The following CFDP1 variants were observed in gnomAD, a reference collection of about 807,000 sequenced individuals.
CFDP1 encodes the protein chromatin remodeling protein CFDP1, also known as heterochromatin-stabilizing protein CFDP1.
CFDP1 carries 31 observed loss-of-function variants against 40.1 expected under a neutral mutation model. That is an observed-to-expected ratio of 0.77 (90% CI 0.58 to 1.04). The LOEUF (loss-of-function observed/expected upper bound fraction) is 1.04, where lower values mean the gene tolerates loss of function less well. Ranked by LOEUF, CFDP1 falls within the 50% of genes least tolerant of loss-of-function variation. The pLI is 0.00. For missense variants in CFDP1, 423 were observed against 343.4 expected (o/e 1.23, Z -1.83); for synonymous variants, 167 against 120.0 (o/e 1.39, Z -2.56).
Position 75,433,441 on chromosome 16 carries a change from G to A in CFDP1, c.-89C>T, listed in dbSNP as rs887141875. ...TCTAGGGAGAGACCATAGAGCCCCG[G>A]CGGCGGCGACGGCAGCTAGGGCGGC... On this transcript the variant is annotated 5_prime_UTR_variant, in exon 1 of 7. Transcript: ENST00000283882. 4.8e-5 allele frequency: 65 copies of A among 1,367,006 alleles called. No homozygotes were observed. The East Asian group carries it at 1.3e-3, about 28-fold the overall frequency. 84.7% of individuals were successfully genotyped at this position (1,367,006 alleles called of 1,614,324 possible). A position where few individuals can be genotyped will look rare whatever the true frequency, so the allele number is the denominator to read the frequency against.
intron 5 of CFDP1, among the ~76,000 whole-genome samples, chr16:75,368,078 C>G (rs540978888): frequency 8.5e-5 from 13 of 152,108 alleles, no homozygotes; most frequent in Non-Finnish European, 1.6e-4. Context: ...CCTCTGGCCA[C>G]AGAGAAGACT....
At chr16:75,319,142 C>T (rs2078345412) in intron 5 of CFDP1, among the ~76,000 whole-genome samples, 1 of 152,172 alleles carries the variant, frequency 6.6e-6, no homozygotes, top group Non-Finnish European at 1.5e-5. Context: ...CTCCCGGGTT[C>T]AAGTGATTCT....
intron 4 of CFDP1, among the ~76,000 whole-genome samples, chr16:75,408,184 C>T (rs117395844): frequency 0.01 from 1,586 of 152,100 alleles, 20 homozygotes; most frequent in Non-Finnish European, 0.016. Context: ...CACAGTACAT[C>T]TTTTATCCAG....
intron 2 of CFDP1, among the ~76,000 whole-genome samples, chr16:75,413,189 T>G (rs542811783): frequency 6.6e-6 from 1 of 152,198 alleles, no homozygotes; most frequent in East Asian, 1.9e-4. Flanking sequence ...TTATTTGCAC[T>G]ATTTCTTCCA....
At chr16:75,319,184 C>T (rs900359231) in intron 5 of CFDP1, among the ~76,000 whole-genome samples, 1 of 152,158 alleles carries the variant, frequency 6.6e-6, no homozygotes, top group Non-Finnish European at 1.5e-5. Flanking sequence ...GCTGGGATTA[C>T]AGGCACATGC....
intron 1 of CFDP1, among the ~76,000 whole-genome samples, chr16:75,424,101 A>G (rs2079308428): frequency 6.6e-6 from 1 of 152,232 alleles, no homozygotes; most frequent in Non-Finnish European, 1.5e-5. Context: ...TAGATGGAGA[A>G]AAAGCATTTG....
intron 1 of CFDP1, among the ~76,000 whole-genome samples, chr16:75,421,971 A>T (rs908390748): frequency 1.3e-5 from 2 of 152,214 alleles, no homozygotes; most frequent in Admixed American, 1.3e-4. Flanking sequence ...TACTTACAAC[A>T]CCCAATATAA....
At chr16:75,408,055 G>C (rs2079118732) in intron 4 of CFDP1, among the ~76,000 whole-genome samples, 1 of 144,144 alleles carries the variant, frequency 6.9e-6, no homozygotes. Flanking sequence ...AGTGAGCTGA[G>C]ATTGTGTCAC....
In CFDP1 at chr16:75,337,715, C is replaced by T. The variant is rs189017479; in HGVS notation, c.651-32533G>A. ...GGAGGTGCCACACACTTTTAAACAA[C>T]CAAATCTCATGAGAACTCACTATCA... On this transcript the variant is annotated intron_variant, in intron 5 of 6. Coordinates refer to ENST00000283882, the MANE Select transcript of CFDP1 (RefSeq NM_006324.3). Among the ~76,000 whole-genome samples, 625 of 152,134 alleles carry T rather than the reference C, an allele frequency of 4.1e-3. 5 individuals are homozygous for T. Among genetic ancestry groups the T allele is most frequent in the African/African-American group, 0.013 (560 of 41,500 alleles).
chr16:75,337,531 G>C (rs116715839), intron 5 of CFDP1, among the ~76,000 whole-genome samples: 4 of 152,208 alleles, frequency 2.6e-5, no homozygotes, highest in African/African-American at 7.2e-5. Context: ...AACTACCAGA[G>C]ACTGGATAAT....
Position 75,378,730 on chromosome 16 carries a change from GAC to G in CFDP1, c.650+16358_650+16359del, listed in dbSNP as rs369667267. Among the ~76,000 whole-genome samples, 86 of 152,236 alleles carry G rather than the reference GAC, an allele frequency of 5.6e-4. No homozygotes were observed. In the East Asian group the frequency reaches 0.016, roughly 28 times the overall value. On this transcript the variant is annotated intron_variant, in intron 5 of 6. Transcript: ENST00000283882. ...GGGTAGTAGTTAGAGTTTAGTGCAA[GAC>G]ACAGACACTGACTGGCCGACAAAAA...
At chr16:75,347,261 T>C (rs1361953880) in intron 5 of CFDP1, among the ~76,000 whole-genome samples, 1 of 139,580 alleles carries the variant, frequency 7.2e-6, no homozygotes, top group Non-Finnish European at 1.5e-5. Flanking sequence ...GGAGAATCGC[T>C]TGAACCCAGG....
intron 5 of CFDP1, among the ~76,000 whole-genome samples, chr16:75,322,872 T>C (rs1438635069): frequency 2.0e-5 from 3 of 152,076 alleles, no homozygotes; most frequent in Non-Finnish European, 4.4e-5. Context: ...GTATAGGAAG[T>C]TTACCATGAA....
intron 3 of CFDP1, 111 bp from the exon 4 acceptor site, chr16:75,412,063 T>A: frequency 8.9e-7 from 1 of 1,127,482 alleles, no homozygotes. Context: ...TAGCCCAAGC[T>A]GGAGTGCAGT....
chr16:75,432,341 G>A (rs555564823), intron 1 of CFDP1, among the ~76,000 whole-genome samples: 2 of 138,740 alleles, frequency 1.4e-5, no homozygotes, highest in African/African-American at 5.3e-5. Context: ...TTCGAGACCA[G>A]CCTGGGCAAC....
chr16:75,414,524 A>C lies in CFDP1; in HGVS notation c.182+54T>G. 5 of 1,030,446 alleles carry C rather than the reference A, an allele frequency of 4.9e-6. No homozygotes were observed. The South Asian group carries it at 5.2e-5, about 11-fold the overall frequency. 63.8% of individuals were successfully genotyped at this position (1,030,446 alleles called of 1,614,324 possible). A position where few individuals can be genotyped will look rare whatever the true frequency, so the allele number is the denominator to read the frequency against. Reference sequence around the variant, plus strand: ...TATCATGAGACCAATCTTAGCAATCAGGATGGTTGTGACAATAGCCCCTAA... The same window carrying C: ...TATCATGAGACCAATCTTAGCAATCCGGATGGTTGTGACAATAGCCCCTAA... On this transcript the variant is annotated intron_variant, in intron 2 of 6. Transcript: ENST00000283882.
chr16:75,395,949 C>A (rs1437075296), intron 4 of CFDP1, among the ~76,000 whole-genome samples: 1 of 135,858 alleles, frequency 7.4e-6, no homozygotes, highest in African/African-American at 2.6e-5. Context: ...ATGTTTAATC[C>A]CTGCCTAGGC....
chr16:75,417,692 G>C (rs1280498432), intron 1 of CFDP1, among the ~76,000 whole-genome samples: 2 of 151,994 alleles, frequency 1.3e-5, no homozygotes, highest in Non-Finnish European at 2.9e-5. Flanking sequence ...AAATTCAAAA[G>C]TTTGAATAAA....
At chr16:75,338,719 A>G (rs1445409924) in intron 5 of CFDP1, among the ~76,000 whole-genome samples, 1 of 152,152 alleles carries the variant, frequency 6.6e-6, no homozygotes, top group Non-Finnish European at 1.5e-5. Flanking sequence ...TCTATAAAAT[A>G]GGGATTATGA....
Sources: allele counts gnomAD v4.1 joint callset (sites outside exome capture counted in the v4.1 genomes callset), GRCh38; gene constraint gnomAD v4.1.1; transcripts MANE v1.5; gene names NCBI Gene and HGNC (gene_info 2026-07-23, HGNC 2026-07-21).